Variants in C8orf34 observed in about 807,000 individuals in gnomAD.
C8orf34 encodes the protein chromosome 8 open reading frame 34.
C8orf34 carries 65 observed loss-of-function variants against 68.3 expected under a neutral mutation model. That is an observed-to-expected ratio of 0.95 (90% CI 0.78 to 1.17). The LOEUF (loss-of-function observed/expected upper bound fraction) is 1.17, where lower values mean the gene tolerates loss of function less well. C8orf34 is among the 50% of genes most tolerant of loss of function. The probability of loss-of-function intolerance (pLI) is 0.00; values close to 1 mark genes in which losing one functional copy is unlikely to be tolerated. For synonymous variants in C8orf34, 244 were observed against 241.2 expected, an observed-to-expected ratio of 1.01 and a Z score of -0.11; for missense variants, 664 against 655.4, an observed-to-expected ratio of 1.01 and a Z score of -0.14.
intron 10 of C8orf34, among the ~76,000 whole-genome samples, chr8:68,771,797 CTAGATGCCTT>C (rs1219200981): frequency 6.6e-6 from 1 of 152,136 alleles, no homozygotes; most frequent in Non-Finnish European, 1.5e-5. Flanking sequence ...AAATGAAAGA[CTAGATGCCTT>C]TCCTCTGACT....
chr8:68,335,348 A>T (rs1805805561), intron 1 of C8orf34, among the ~76,000 whole-genome samples: 1 of 152,238 alleles, frequency 6.6e-6, no homozygotes, highest in Non-Finnish European at 1.5e-5. Context: ...ATAAAATATA[A>T]GCTTGGTAGT....
upstream of C8orf34, chr8:68,330,885 T>G: frequency 1.3e-6 from 1 of 780,530 alleles, no homozygotes; most frequent in Non-Finnish European, 1.9e-6. Flanking sequence ...TCGACACAGC[T>G]CGCCTCCCGC....
At chr8:68,416,619 C>T (rs1276955647) in intron 1 of C8orf34, among the ~76,000 whole-genome samples, 1 of 151,956 alleles carries the variant, frequency 6.6e-6, no homozygotes, top group Non-Finnish European at 1.5e-5. Flanking sequence ...GCAACCTCCT[C>T]CTACCAGGTT....
intron 1 of C8orf34, among the ~76,000 whole-genome samples, chr8:68,368,260 T>C (rs374627144): frequency 4.6e-5 from 7 of 152,314 alleles, no homozygotes; most frequent in Admixed American, 3.3e-4. Context: ...TATTCCCTTA[T>C]TTATTCTTCC....
intron 1 of C8orf34, among the ~76,000 whole-genome samples, chr8:68,361,777 A>C (rs533074209): frequency 3.3e-5 from 5 of 152,196 alleles, no homozygotes; most frequent in African/African-American, 1.2e-4. Context: ...AATTTAACTG[A>C]GTACTTGTTG....
At chr8:68,658,523 A>G (rs562616006) in intron 8 of C8orf34, among the ~76,000 whole-genome samples, 1 of 152,208 alleles carries the variant, frequency 6.6e-6, no homozygotes, top group Admixed American at 6.5e-5. Flanking sequence ...ACTATTGTCC[A>G]CCAGAGACTC....
At chr8:68,583,560 C>G (rs1817125456) in intron 7 of C8orf34, among the ~76,000 whole-genome samples, 1 of 152,076 alleles carries the variant, frequency 6.6e-6, no homozygotes, top group African/African-American at 2.4e-5. Flanking sequence ...AAATTATTAC[C>G]CATTTTCAAA....
At chr8:68,540,592 CA>C (rs1239688064) in intron 7 of C8orf34, among the ~76,000 whole-genome samples, 7 of 151,892 alleles carry the variant, frequency 4.6e-5, no homozygotes, top group Admixed American at 4.6e-4. Context: ...CCAGTAATCC[CA>C]GCACTTTGGG....
chr8:68,351,514 G>A (rs1346430065), intron 1 of C8orf34, among the ~76,000 whole-genome samples: 2 of 152,008 alleles, frequency 1.3e-5, no homozygotes, highest in Non-Finnish European at 2.9e-5. Context: ...CTCTAGCAAA[G>A]TTGTGGAAGT....
At chr8:68,790,226 A>G (rs1326495594) in intron 12 of C8orf34, among the ~76,000 whole-genome samples, 13 of 152,224 alleles carry the variant, frequency 8.5e-5, no homozygotes, top group East Asian at 7.7e-4. Context: ...CTAGATATGC[A>G]TAGATCATCT....
At chr8:68,721,211 T>C (rs1298267298) in intron 9 of C8orf34, 150 bp from the exon 10 acceptor site, 3 of 541,944 alleles carry the variant, frequency 5.5e-6, no homozygotes, top group South Asian at 2.8e-5. Flanking sequence ...AAGCTAAATA[T>C]TATTTCACGT....
At chr8:68,573,506 G>C (rs528369759) in intron 7 of C8orf34, among the ~76,000 whole-genome samples, 1 of 152,162 alleles carries the variant, frequency 6.6e-6, no homozygotes, top group Non-Finnish European at 1.5e-5. Context: ...ATCTGCAGAT[G>C]CATGAGAGAG....
At chr8:68,394,347 T>C (rs955917105) in intron 1 of C8orf34, among the ~76,000 whole-genome samples, 2 of 151,112 alleles carry the variant, frequency 1.3e-5, no homozygotes, top group Non-Finnish European at 2.9e-5. Context: ...TGTTTGTTTT[T>C]TTGTTCTTGC....
chr8:68,490,506 C>T (rs1264775757), intron 5 of C8orf34, among the ~76,000 whole-genome samples: 2 of 152,136 alleles, frequency 1.3e-5, no homozygotes, highest in Non-Finnish European at 2.9e-5. Context: ...CCTCTCTCTT[C>T]CCGGCAGTAG....
At position 68,358,044 on chromosome 8, in the gene C8orf34, C is replaced by T. The variant is rs541730872; in HGVS notation, c.327+26705C>T. Among the ~76,000 whole-genome samples the T allele has an allele frequency of 5.0e-4, 76 of 152,118 alleles. 1 individual carries two copies. The highest frequency in any genetic ancestry group is 1.7e-3 in the African/African-American group (72 of 41,484). On this transcript the variant is annotated intron_variant, in intron 1 of 13. Transcript: ENST00000518698. ...CCTTTGTTTATTTATGCTATTTGAA[C>T]GTAATTTATGCTTCCTTGGAAAATG...
At chr8:68,585,270 C>T (rs7819866) in intron 7 of C8orf34, among the ~76,000 whole-genome samples, 3 of 151,752 alleles carry the variant, frequency 2.0e-5, no homozygotes, top group South Asian at 2.1e-4. Flanking sequence ...GAAGTGACAG[C>T]GTGATGAAAC....
intron 8 of C8orf34, among the ~76,000 whole-genome samples, chr8:68,707,325 A>G (rs1365552496): frequency 1.3e-5 from 2 of 152,184 alleles, no homozygotes; most frequent in Non-Finnish European, 2.9e-5. Flanking sequence ...CTGCAAGGCC[A>G]CCCAATTTGT....
At chr8:68,424,773 G>T (rs959457726) in intron 1 of C8orf34, among the ~76,000 whole-genome samples, 1 of 151,880 alleles carries the variant, frequency 6.6e-6, no homozygotes, top group Non-Finnish European at 1.5e-5. Flanking sequence ...GGTGGTGGGC[G>T]CCTGTAGTCC....
intron 3 of C8orf34, among the ~76,000 whole-genome samples, chr8:68,456,593 C>G (rs957889897): frequency 1.3e-5 from 2 of 152,144 alleles, no homozygotes; most frequent in Non-Finnish European, 2.9e-5. Context: ...TGCACTCATA[C>G]AAACCAAAAA....
Sources: gnomAD v4.1 joint callset for allele counts (sites outside exome capture counted in the v4.1 genomes callset) on GRCh38, gnomAD v4.1.1 for gene constraint, MANE v1.5 for transcripts, NCBI Gene and HGNC (gene_info 2026-07-23, HGNC 2026-07-21) for gene names.